BCKDHB: variants seen among roughly 807,000 people sequenced by gnomAD.
The protein encoded by BCKDHB is 2-oxoisovalerate dehydrogenase subunit beta, mitochondrial.
BCKDHB carries 41 observed loss-of-function variants against 48.5 expected under a neutral mutation model. That is an observed-to-expected ratio of 0.85 (90% CI 0.66 to 1.10). The LOEUF is 1.10. Ranked by LOEUF, BCKDHB falls within the 50% of genes least tolerant of loss-of-function variation. BCKDHB has a pLI of 0.00. For missense variants in BCKDHB, 496 were observed against 494.2 expected (o/e 1.00, Z -0.03); for synonymous variants, 201 against 174.8 (o/e 1.15, Z -1.18).
intron 6 of BCKDHB, among the ~76,000 whole-genome samples, chr6:80,200,589 C>T (rs1301070399): frequency 6.6e-5 from 10 of 152,170 alleles, no homozygotes; most frequent in Non-Finnish European, 2.9e-5. Flanking sequence ...GCCTTATTAA[C>T]ATCTTACATA....
intron 1 of BCKDHB, among the ~76,000 whole-genome samples, chr6:80,107,404 A>C (rs1232795812): frequency 7.8e-6 from 1 of 128,722 alleles, no homozygotes; most frequent in Non-Finnish European, 1.6e-5. Context: ...GTTTCTTCTT[A>C]CATACAGAAA....
At chr6:80,221,950 TA>T (rs910769420) in intron 8 of BCKDHB, among the ~76,000 whole-genome samples, 8 of 152,308 alleles carry the variant, frequency 5.3e-5, no homozygotes, top group Non-Finnish European at 1.2e-4. Context: ...ATTTTATTAT[TA>T]TTTTTTAAAA....
chr6:80,140,020 T>A (rs914484727), intron 3 of BCKDHB, among the ~76,000 whole-genome samples: 3 of 152,278 alleles, frequency 2.0e-5, no homozygotes, highest in African/African-American at 7.2e-5. Flanking sequence ...GGTCCTTCAC[T>A]TCCCTTGTAA....
intron 9 of BCKDHB, among the ~76,000 whole-genome samples, chr6:80,278,327 A>G (rs893103118): frequency 3.3e-5 from 5 of 152,178 alleles, no homozygotes; most frequent in Admixed American, 2.0e-4. Context: ...GGCATTTTAA[A>G]ACTGTAGTTT....
chr6:80,243,064 C>G (rs573742909), intron 8 of BCKDHB, among the ~76,000 whole-genome samples: 1 of 152,130 alleles, frequency 6.6e-6, no homozygotes, highest in Non-Finnish European at 1.5e-5. Context: ...ATAGTCATAT[C>G]TCAGCCACAG....
intron 9 of BCKDHB, among the ~76,000 whole-genome samples, chr6:80,291,314 G>A (rs995700259): frequency 6.6e-6 from 1 of 152,194 alleles, no homozygotes; most frequent in Non-Finnish European, 1.5e-5. Flanking sequence ...TTGTCAGGGT[G>A]TCTTGCATTC....
the BCKDHB span, among the ~76,000 whole-genome samples, chr6:80,464,708 C>T: frequency 4.6e-5 from 7 of 152,160 alleles, no homozygotes; most frequent in Non-Finnish European, 1.0e-4. Context: ...AGAAAGGCCA[C>T]AATATTCATT....
chr6:80,312,649 A>G (rs1768228924), intron 9 of BCKDHB, among the ~76,000 whole-genome samples: 1 of 152,168 alleles, frequency 6.6e-6, no homozygotes, highest in South Asian at 2.1e-4. Flanking sequence ...AGGGATGTTG[A>G]ATTTTATTGA....
chr6:80,398,059 C>T, the BCKDHB span, among the ~76,000 whole-genome samples: 1 of 152,102 alleles, frequency 6.6e-6, no homozygotes, highest in African/African-American at 2.4e-5. Context: ...ATATCAGTAG[C>T]TCTGGGACAC....
At chr6:80,163,311 CTTT>C (rs34383985) in intron 3 of BCKDHB, among the ~76,000 whole-genome samples, 12 of 138,112 alleles carry the variant, frequency 8.7e-5, no homozygotes, top group East Asian at 6.5e-4. Flanking sequence ...TGCAATTAAG[CTTT>C]TTTTTTTTTT....
chr6:80,199,151 G>T (rs879470984), intron 6 of BCKDHB, among the ~76,000 whole-genome samples: 1 of 152,098 alleles, frequency 6.6e-6, no homozygotes, highest in Non-Finnish European at 1.5e-5. Context: ...CCTTAGCGGG[G>T]AAGAATGTGG....
chr6:80,383,365 A>G, the BCKDHB span, among the ~76,000 whole-genome samples: 61,559 of 151,996 alleles, frequency 0.41, 14,216 homozygotes, highest in Non-Finnish European at 0.54. Flanking sequence ...TATAATTTTT[A>G]AAAACATTTT....
At chr6:80,365,591 G>A in the BCKDHB span, among the ~76,000 whole-genome samples, 2 of 151,954 alleles carry the variant, frequency 1.3e-5, no homozygotes, top group African/African-American at 4.8e-5. Flanking sequence ...GTCTTCCCTT[G>A]TTCCCTAAAA....
the BCKDHB span, among the ~76,000 whole-genome samples, chr6:80,392,369 T>TTTA: frequency 6.6e-6 from 1 of 151,972 alleles, no homozygotes; most frequent in African/African-American, 2.4e-5. Flanking sequence ...TGTATTTTTT[T>TTTA]TTTATTTATT....
chr6:80,452,234 C>G, the BCKDHB span, among the ~76,000 whole-genome samples: 5 of 152,122 alleles, frequency 3.3e-5, no homozygotes, highest in Non-Finnish European at 5.9e-5. Flanking sequence ...GGACCAAGCC[C>G]GATTTCAGTG....
the BCKDHB span, among the ~76,000 whole-genome samples, chr6:80,404,273 A>T: frequency 2.0e-5 from 3 of 151,880 alleles, no homozygotes; most frequent in Non-Finnish European, 4.4e-5. Context: ...TGGTCCATTC[A>T]GGTTTTCTAT....
intron 8 of BCKDHB, among the ~76,000 whole-genome samples, chr6:80,247,256 G>A (rs1016423897): frequency 2.0e-4 from 30 of 152,210 alleles, no homozygotes; most frequent in Non-Finnish European, 4.3e-4. Context: ...GTATCTGTCT[G>A]TCTCTCAAAG....
At chr6:80,118,383 G>C (rs1172145974) in intron 1 of BCKDHB, among the ~76,000 whole-genome samples, 8 of 151,968 alleles carry the variant, frequency 5.3e-5, no homozygotes, top group Admixed American at 5.2e-4. Flanking sequence ...ATACTTTATC[G>C]ATAAAAATTG....
At chr6:80,127,388 G>A (rs1770399750) in intron 1 of BCKDHB, 159 bp from the exon 2 acceptor site, 2 of 674,724 alleles carry the variant, frequency 3.0e-6, no homozygotes, top group East Asian at 2.8e-5. Context: ...GGTCTGTATT[G>A]CTTTTGTATC....
Sources: gnomAD v4.1 joint callset for allele counts (sites outside exome capture counted in the v4.1 genomes callset) on GRCh38, gnomAD v4.1.1 for gene constraint, MANE v1.5 for transcripts, NCBI Gene and HGNC (gene_info 2026-07-23, HGNC 2026-07-21) for gene names.